The following MXI1 variants were observed in gnomAD, a reference collection of about 807,000 sequenced individuals.
MXI1 encodes MAX interactor 1, dimerization protein.
MXI1 carries 18 observed loss-of-function variants against 36.9 expected under a neutral mutation model. The observed-to-expected ratio is 0.49, with a 90% CI of 0.34 to 0.72. MXI1 has a LOEUF of 0.72. MXI1 is among the 30% of genes least tolerant of loss of function. The pLI, the probability that MXI1 is intolerant of heterozygous loss-of-function variation, is 0.01. For missense variants in MXI1, 304 were observed against 379.1 expected, an observed-to-expected ratio of 0.80 and a Z score of 1.64; for synonymous variants, 160 against 146.7, an observed-to-expected ratio of 1.09 and a Z score of -0.65.
At chr10:110,234,298 A>G (rs563340146) in intron 2 of MXI1, among the ~76,000 whole-genome samples, 1 of 152,150 alleles carries the variant, frequency 6.6e-6, no homozygotes, top group African/African-American at 2.4e-5. Context: ...TAATCTAATC[A>G]AAGAGGCTTG....
chr10:110,217,366 A>C (rs1344220287), intron 1 of MXI1, among the ~76,000 whole-genome samples: 1 of 152,212 alleles, frequency 6.6e-6, no homozygotes, highest in Non-Finnish European at 1.5e-5. Context: ...ATTAGCAAGG[A>C]TACTTGAATA....
intron 3 of MXI1, among the ~76,000 whole-genome samples, chr10:110,271,228 T>G (rs1488112540): frequency 2.6e-5 from 4 of 151,436 alleles, no homozygotes; most frequent in Non-Finnish European, 1.5e-5. Context: ...AAAAAAAAGG[T>G]TAAGAGTTCT....
At chr10:110,236,676 G>T (rs1025799542) in intron 2 of MXI1, among the ~76,000 whole-genome samples, 1 of 152,140 alleles carries the variant, frequency 6.6e-6, no homozygotes, top group Non-Finnish European at 1.5e-5. Context: ...GCCCAGGCTG[G>T]TCTTGAACTC....
intron 3 of MXI1, among the ~76,000 whole-genome samples, chr10:110,277,999 A>C (rs1857097834): frequency 6.6e-6 from 1 of 152,330 alleles, no homozygotes; most frequent in South Asian, 2.1e-4. Flanking sequence ...TCAGAAGAGA[A>C]TGGAGGGTGT....
chr10:110,255,754 C>G (rs193249236), intron 3 of MXI1, among the ~76,000 whole-genome samples: 1 of 152,108 alleles, frequency 6.6e-6, no homozygotes, highest in East Asian at 1.9e-4. Flanking sequence ...CCAAATTGAT[C>G]TATAGATTCA....
At chr10:110,247,441 T>C (rs913080119) in intron 3 of MXI1, among the ~76,000 whole-genome samples, 77 of 152,342 alleles carry the variant, frequency 5.1e-4, no homozygotes, top group Non-Finnish European at 9.0e-4. Context: ...TTTTGGTGTT[T>C]TAGACATGAA....
At chr10:110,256,999 T>G (rs974728000) in intron 3 of MXI1, 5 of 152,208 alleles carry the variant, frequency 3.3e-5, no homozygotes, top group Admixed American at 2.0e-4. Context: ...TAGTCTCTAT[T>G]TAGCATATGA....
intron 1 of MXI1, among the ~76,000 whole-genome samples, chr10:110,216,663 A>ATGTTTTTTTTTTTTTTGTTT (rs1854643787): frequency 2.5e-5 from 1 of 39,446 alleles, no homozygotes; most frequent in African/African-American, 2.3e-4. Flanking sequence ...TCTGTGTTTA[A>ATGTTTTTTTTTTTTTTGTTT]TGTTTTTTTT....
chr10:110,274,239 G>C (rs1478974094), intron 3 of MXI1, among the ~76,000 whole-genome samples: 5 of 152,100 alleles, frequency 3.3e-5, no homozygotes, highest in Non-Finnish European at 5.9e-5. Flanking sequence ...CCCACAAGGG[G>C]CTTGCCCTTT....
chr10:110,217,102 A>G (rs958368918), intron 1 of MXI1, among the ~76,000 whole-genome samples: 2 of 152,078 alleles, frequency 1.3e-5, no homozygotes, highest in Non-Finnish European at 2.9e-5. Flanking sequence ...CTTTACAGAT[A>G]GGGGCCTTCT....
At position 110,227,382 on chromosome 10, in the gene MXI1, CGCAGGT is replaced by C. The variant is rs1215216474; in HGVS notation, c.275-804_275-799del. 20 of 981,920 alleles carry C rather than the reference CGCAGGT, an allele frequency of 2.0e-5. No individual in the cohort carries two copies. The Admixed American group carries it at 1.3e-3, about 62-fold the overall frequency. 60.8% of individuals were successfully genotyped at this position (981,920 alleles called of 1,614,324 possible). A position where few individuals can be genotyped will look rare whatever the true frequency, so the allele number is the denominator to read the frequency against. On this transcript the variant is annotated intron_variant, in intron 1 of 5. Coordinates refer to ENST00000332674, the MANE Select transcript of MXI1 (RefSeq NM_130439.3). ...GAGTGGAGGCGTGTGTGAGAGGTCG[CGCAGGT>C]GCTGGGGGAGGTGCGAGGGTGCGCA...
At chr10:110,275,361 A>C (rs1488564115) in intron 3 of MXI1, among the ~76,000 whole-genome samples, 1 of 152,216 alleles carries the variant, frequency 6.6e-6, no homozygotes, top group Non-Finnish European at 1.5e-5. Context: ...ATGCCTTTCT[A>C]GGTCACTGGT....
Position 110,215,032 on chromosome 10 carries a change from T to TTTTTTTTG in MXI1, c.274+6957_274+6958insGTTTTTTT, listed in dbSNP as rs1564704037. On this transcript the variant is annotated intron_variant, in intron 1 of 5. Coordinates refer to ENST00000332674, the MANE Select transcript of MXI1 (RefSeq NM_130439.3). Reference sequence around the variant, plus strand: ...CATTTTTCTTTCTGCTCCACTTCAGTTTTTTTTTTTGTTTTTTTTTTTTTT... The same window carrying TTTTTTTTG: ...CATTTTTCTTTCTGCTCCACTTCAGTTTTTTTTGTTTTTTTTTTGTTTTTTTTTTTTTT... 1.0e-4 allele frequency among the ~76,000 whole-genome samples: 12 copies of TTTTTTTTG among 116,032 alleles called. No individual in the cohort carries two copies. The South Asian group carries it at 3.6e-3, about 34-fold the overall frequency. The allele number at this position is 116,032 out of a possible 152,430, so 76.1% of individuals were successfully genotyped here. A position where few individuals can be genotyped will look rare whatever the true frequency, so the allele number is the denominator to read the frequency against.
intron 3 of MXI1, among the ~76,000 whole-genome samples, chr10:110,276,843 C>CTT (rs919282794): frequency 3.6e-5 from 5 of 140,380 alleles, no homozygotes; most frequent in East Asian, 2.0e-4. Context: ...CTTTTCTTTT[C>CTT]TTTTTTTTTT....
At chr10:110,268,178 A>G (rs7912643) in intron 3 of MXI1, among the ~76,000 whole-genome samples, 83,922 of 152,046 alleles carry the variant, frequency 0.55, 26,964 homozygotes, top group African/African-American at 0.86. Flanking sequence ...GTTCCCCTCC[A>G]CCTGTCTCTT....
intron 3 of MXI1, among the ~76,000 whole-genome samples, chr10:110,261,931 AATG>A (rs1856526720): frequency 6.6e-6 from 1 of 152,154 alleles, no homozygotes; most frequent in Non-Finnish European, 1.5e-5. Flanking sequence ...TGACTAAATA[AATG>A]ATGATACATC....
intron 1 of MXI1, among the ~76,000 whole-genome samples, chr10:110,218,177 A>G (rs973092919): frequency 1.3e-5 from 2 of 152,176 alleles, no homozygotes; most frequent in African/African-American, 2.4e-5. Flanking sequence ...GAGGCTGGGC[A>G]CGGTGGCTCA....
chr10:110,223,076 C>T (rs1854857502), intron 1 of MXI1, among the ~76,000 whole-genome samples: 1 of 152,166 alleles, frequency 6.6e-6, no homozygotes, highest in Non-Finnish European at 1.5e-5. Flanking sequence ...TCCATGTCCT[C>T]ATCTCCCTCT....
Position 110,279,165 on chromosome 10 carries a change from T to C in MXI1, c.438-15T>C. On this transcript the variant is annotated splice_polypyrimidine_tract_variant and intron_variant, in intron 3 of 5. Coordinates refer to ENST00000332674, the MANE Select transcript of MXI1 (RefSeq NM_130439.3). ...ATAACCAGACTGTGCTGATTTGACT[T>C]TTTGTCTTTCTTAGACGAGCTCATC... is the stretch of plus-strand genomic sequence containing the variant. 6.2e-7 allele frequency: 1 copy of C among 1,600,790 alleles called. No homozygotes were observed. The highest frequency in any genetic ancestry group is 8.6e-7 in the Non-Finnish European group (1 of 1,168,800).
Sources: allele counts gnomAD v4.1 joint callset (sites outside exome capture counted in the v4.1 genomes callset), GRCh38; gene constraint gnomAD v4.1.1; transcripts MANE v1.5; gene names NCBI Gene and HGNC (gene_info 2026-07-23, HGNC 2026-07-21).